GCSAML: variants seen among roughly 807,000 people sequenced by gnomAD.
GCSAML encodes germinal center associated signaling and motility like.
In GCSAML, 9 loss-of-function variants were observed where a neutral mutation model predicts 13.0. The observed-to-expected ratio is 0.69, with a 90% CI of 0.42 to 1.21. The LOEUF (loss-of-function observed/expected upper bound fraction) is 1.21. Among genes scored for constraint, GCSAML ranks in the 50% most tolerant of loss-of-function variants. The probability of loss-of-function intolerance (pLI) is 0.00; values close to 1 mark genes in which losing one functional copy is unlikely to be tolerated. For synonymous variants in GCSAML, 37 were observed against 52.9 expected, an observed-to-expected ratio of 0.70 and a Z score of 1.31; for missense variants, 143 against 153.4, an observed-to-expected ratio of 0.93 and a Z score of 0.36.
intron 2 of GCSAML, chr1:247,532,319 CAAGA>C: frequency 1.2e-6 from 2 of 1,614,088 alleles, no homozygotes; most frequent in Non-Finnish European, 1.7e-6. Context: ...GGGAGGTTGG[CAAGA>C]AAGAAGTACA....
intron 2 of GCSAML, among the ~76,000 whole-genome samples, chr1:247,563,105 C>T (rs1170680017): frequency 1.3e-5 from 2 of 151,630 alleles, no homozygotes; most frequent in Non-Finnish European, 2.9e-5. Flanking sequence ...GCCTTGGCCT[C>T]CCAAAGTGCT....
chr1:247,513,089 T>A (rs1007551386), intron 1 of GCSAML, among the ~76,000 whole-genome samples: 14 of 152,206 alleles, frequency 9.2e-5, no homozygotes, highest in Non-Finnish European at 1.3e-4. Flanking sequence ...GAAATGTTTG[T>A]CTGCTGAAGC....
At chr1:247,552,803 T>TG (rs1157567666) in intron 1 of GCSAML, among the ~76,000 whole-genome samples, 1 of 151,624 alleles carries the variant, frequency 6.6e-6, no homozygotes, top group Non-Finnish European at 1.5e-5. Flanking sequence ...TCACCCAGGC[T>TG]GGAGGGCAGT....
upstream of GCSAML, among the ~76,000 whole-genome samples, chr1:247,546,462 C>T (rs757628057): frequency 6.6e-6 from 1 of 152,030 alleles, no homozygotes; most frequent in African/African-American, 2.4e-5. Context: ...GGGTTCACGC[C>T]ATTCTCCTGC....
chr1:247,543,621 G>A (rs1667477370), intron 2 of GCSAML, among the ~76,000 whole-genome samples: 1 of 152,080 alleles, frequency 6.6e-6, no homozygotes, highest in Non-Finnish European at 1.5e-5. Flanking sequence ...TTGAATAATA[G>A]GGACTTATAT....
chr1:247,507,491 G>A (rs747017867), intron 1 of GCSAML, among the ~76,000 whole-genome samples: 2 of 152,056 alleles, frequency 1.3e-5, no homozygotes, highest in Non-Finnish European at 2.9e-5. Flanking sequence ...TAATATATTA[G>A]CTATACCAGA....
chr1:247,547,455 T>C (rs2103031308), upstream of GCSAML, among the ~76,000 whole-genome samples: 1 of 152,368 alleles, frequency 6.6e-6, no homozygotes, highest in Admixed American at 6.5e-5. Context: ...TGTTACCACA[T>C]TTCTGTCATT....
At chr1:247,554,626 T>C (rs1036266228) in intron 1 of GCSAML, among the ~76,000 whole-genome samples, 16 of 152,182 alleles carry the variant, frequency 1.1e-4, no homozygotes, top group African/African-American at 3.9e-4. Flanking sequence ...TATTATTTTA[T>C]TCTGTGTTTT....
At chr1:247,512,170 C>G (rs10802519) in intron 1 of GCSAML, among the ~76,000 whole-genome samples, 48,398 of 151,744 alleles carry the variant, frequency 0.32, 8,454 homozygotes, top group East Asian at 0.55. Flanking sequence ...GGTCTTTTTA[C>G]GTAGTCCCAT....
chr1:247,545,474 A>G (rs952333444), upstream of GCSAML, among the ~76,000 whole-genome samples: 1 of 152,242 alleles, frequency 6.6e-6, no homozygotes, highest in African/African-American at 2.4e-5. Flanking sequence ...TAACAACAAA[A>G]AAAGAACTGG....
Position 247,535,453 on chromosome 1 carries a change from A to C in GCSAML, c.-148+8399A>C, listed in dbSNP as rs190081319. 1.1e-3 allele frequency among the ~76,000 whole-genome samples: 163 copies of C among 152,350 alleles called. 1 individual carries two copies. The highest frequency in any genetic ancestry group is 3.8e-3 in the African/African-American group (156 of 41,590). ...GGTACAACTGAGTCATGACAGTCAAAGTGGGTGTACTGTATATAGAGTCAC... is the reference window on the plus strand; with the variant it reads ...GGTACAACTGAGTCATGACAGTCAACGTGGGTGTACTGTATATAGAGTCAC... On this transcript the variant is annotated intron_variant, in intron 2 of 5. Coordinates refer to the GCSAML transcript ENST00000366489.
chr1:247,521,306 G>A lies in GCSAML; in HGVS notation c.-262-5634G>A, dbSNP rs559438656. ...TTCAACAGTTTATGAAAAACATAAT[G>A]TCTCCCTCTCCCTCTCCAGTCTCCC... On this transcript the variant is annotated intron_variant, in intron 1 of 5. Transcript: ENST00000366489. Among the ~76,000 whole-genome samples, 17 of 151,228 alleles carry A rather than the reference G, an allele frequency of 1.1e-4. 1 individual carries two copies. Among genetic ancestry groups the A allele is most frequent in the African/African-American group, 1.9e-4 (8 of 41,244 alleles).
rs531820908 is a variant in GCSAML, at chr1:247,564,846, C to T, written c.140-1085C>T. On this transcript the variant is annotated intron_variant, in intron 3 of 4. Transcript: ENST00000366488. ...GGATAGAAACTGGACCCCTTCCTTACGCCATATACAAAAATTAACTCAAGA... is the reference window on the plus strand; with the variant it reads ...GGATAGAAACTGGACCCCTTCCTTATGCCATATACAAAAATTAACTCAAGA... Among the ~76,000 whole-genome samples the T allele has an allele frequency of 1.4e-4, 21 of 152,202 alleles. No homozygotes were observed. In the South Asian group the frequency reaches 3.9e-3, roughly 29 times the overall value.
At chr1:247,546,738 T>G (rs1180707750), upstream of GCSAML, among the ~76,000 whole-genome samples, 1 of 152,074 alleles carries the variant, frequency 6.6e-6, no homozygotes, top group Non-Finnish European at 1.5e-5. Context: ...TGGAAACTTT[T>G]AAATCAATGG....
intron 1 of GCSAML, among the ~76,000 whole-genome samples, chr1:247,513,305 A>C (rs1222112870): frequency 6.6e-6 from 1 of 152,188 alleles, no homozygotes; most frequent in Non-Finnish European, 1.5e-5. Flanking sequence ...CTTTGTTAAC[A>C]CAGTGAGAGG....
At chr1:247,551,160 C>T (rs1667764491) in intron 1 of GCSAML, among the ~76,000 whole-genome samples, 1 of 152,024 alleles carries the variant, frequency 6.6e-6, no homozygotes, top group Non-Finnish European at 1.5e-5. Flanking sequence ...ACAAACAGCG[C>T]ACTGTAGAAA....
At chr1:247,544,389 GC>G (rs1258417402), upstream of GCSAML, among the ~76,000 whole-genome samples, 1 of 152,158 alleles carries the variant, frequency 6.6e-6, no homozygotes, top group Non-Finnish European at 1.5e-5. Context: ...AACAGCTTCT[GC>G]CCGGCAGCTG....
intron 2 of GCSAML, chr1:247,532,492 A>G (rs985545269): frequency 1.2e-6 from 2 of 1,613,806 alleles, no homozygotes; most frequent in Non-Finnish European, 8.5e-7. Flanking sequence ...TGGAGAACTC[A>G]CATTGGCTAT....
In GCSAML at chr1:247,527,581, T is replaced by G. The variant is rs1048149353; in HGVS notation, c.-148+527T>G. On this transcript the variant is annotated intron_variant, in intron 2 of 5. Transcript: ENST00000366489. This position sits in a 1 kb window ranked among gnomAD's most constrained non-coding sequence, Gnocchi z 4.6. ...TCAGATTGAAGTTTTTCTTCAGATC[T>G]TGAATGTTTGAAAATTTTTTTATTT... 4 of 152,480 alleles carry G rather than the reference T, an allele frequency of 2.6e-5. No homozygotes were observed. The highest frequency in any genetic ancestry group is 5.9e-5 in the Non-Finnish European group (4 of 68,238). 9.4% of individuals were successfully genotyped at this position (152,480 alleles called of 1,614,324 possible).
Sources: gnomAD v4.1 joint callset for allele counts (sites outside exome capture counted in the v4.1 genomes callset) on GRCh38, gnomAD v4.1.1 for gene constraint, Gnocchi (gnomAD v3.1) non-coding constraint, MANE v1.5 for transcripts, NCBI Gene and HGNC (gene_info 2026-07-23, HGNC 2026-07-21) for gene names.